LMTK2: variants seen among roughly 807,000 people sequenced by gnomAD.
LMTK2 encodes the protein lemur tail kinase 2.
LMTK2 carries 37 observed loss-of-function variants against 127.5 expected under a neutral mutation model. That is an observed-to-expected ratio of 0.29 (90% confidence interval 0.22 to 0.38). The LOEUF is 0.38. Among genes scored for constraint, LMTK2 ranks in the 10% least tolerant of loss-of-function variants. The probability of loss-of-function intolerance (pLI) is 1.00; values close to 1 mark genes in which losing one functional copy is unlikely to be tolerated. For synonymous variants in LMTK2, 819 were observed against 810.1 expected, an observed-to-expected ratio of 1.01 and a Z score of -0.19; for missense variants, 1,694 against 1,920.3, an observed-to-expected ratio of 0.88 and a Z score of 2.20.
chr7:98,107,018 G>A lies in LMTK2; in HGVS notation c.-160G>A. 1 of 499,380 alleles carries A rather than the reference G, an allele frequency of 2.0e-6. No homozygotes were observed. Among genetic ancestry groups the A allele is most frequent in the Non-Finnish European group, 3.4e-6 (1 of 293,126 alleles). 30.9% of individuals were successfully genotyped at this position (499,380 alleles called of 1,614,324 possible). ...GCGACTGGAGCGGCAGGTGCGGACC[G>A]GGAGCCGGACCGAGGTTTGGCAGAA... On this transcript the variant is annotated 5_prime_UTR_variant, in exon 1 of 14. Coordinates refer to ENST00000297293, the MANE Select transcript of LMTK2 (RefSeq NM_014916.4).
chr7:98,113,887 G>A lies in LMTK2; in HGVS notation c.103+6607G>A, dbSNP rs746812023. 7.3e-4 allele frequency among the ~76,000 whole-genome samples: 111 copies of A among 151,690 alleles called. 1 individual carries two copies. The highest frequency in any genetic ancestry group is 2.8e-4 in the Non-Finnish European group (19 of 67,930). On this transcript the variant is annotated intron_variant, in intron 1 of 13. Coordinates refer to ENST00000297293, the MANE Select transcript of LMTK2 (RefSeq NM_014916.4). ...CCCTGCCTTGGCATTACAATTGTTT[G>A]TCACAAAGAGCAGGCATATCAGAAA...
At chr7:98,173,823 G>A (rs537712184) in intron 7 of LMTK2, among the ~76,000 whole-genome samples, 69 of 152,302 alleles carry the variant, frequency 4.5e-4, no homozygotes, top group Non-Finnish European at 8.4e-4. Context: ...TTGGGAGGCC[G>A]AGGCAGGCGG....
intron 1 of LMTK2, among the ~76,000 whole-genome samples, chr7:98,133,422 C>G (rs1796552843): frequency 6.6e-6 from 1 of 151,616 alleles, no homozygotes; most frequent in Non-Finnish European, 1.5e-5. Context: ...TACTTCCTCT[C>G]TGTGGTTTCT....
intron 1 of LMTK2, among the ~76,000 whole-genome samples, chr7:98,129,646 G>A (rs1352974219): frequency 6.6e-6 from 1 of 152,142 alleles, no homozygotes; most frequent in Admixed American, 6.5e-5. Flanking sequence ...GATTACAGGC[G>A]TGAGCCACTG....
intron 5 of LMTK2, among the ~76,000 whole-genome samples, 161 bp from the exon 6 acceptor site, chr7:98,159,177 T>A (rs1041967913): frequency 6.6e-6 from 1 of 152,242 alleles, no homozygotes; most frequent in Non-Finnish European, 1.5e-5. Flanking sequence ...TTAAGTATAA[T>A]CTTCGTGATC....
chr7:98,133,299 G>A (rs1796551345), intron 1 of LMTK2, among the ~76,000 whole-genome samples: 1 of 152,142 alleles, frequency 6.6e-6, no homozygotes, highest in Admixed American at 6.6e-5. Context: ...TGTTAAAGCT[G>A]CCTTTCTTTA....
intron 11 of LMTK2, among the ~76,000 whole-genome samples, chr7:98,198,041 C>A (rs1441216292): frequency 6.6e-6 from 1 of 152,050 alleles, no homozygotes; most frequent in Non-Finnish European, 1.5e-5. Context: ...ATTTGTTGAT[C>A]TTTCCAAAAA....
chr7:98,116,400 G>A (rs1796284472), intron 1 of LMTK2, among the ~76,000 whole-genome samples: 1 of 151,496 alleles, frequency 6.6e-6, no homozygotes, highest in South Asian at 2.1e-4. Context: ...CTGTGTGTGT[G>A]TGTGTGCATG....
chr7:98,188,063 G>A (rs1797468240), intron 9 of LMTK2, among the ~76,000 whole-genome samples: 1 of 151,960 alleles, frequency 6.6e-6, no homozygotes, highest in South Asian at 2.1e-4. Context: ...GTTAATTATA[G>A]TCACCCTTCA....
chr7:98,140,089 T>A (rs531073007), intron 2 of LMTK2, among the ~76,000 whole-genome samples: 764 of 4,264 alleles, frequency 0.18, 30 homozygotes, highest in African/African-American at 0.3. Flanking sequence ...TTTCTTTCTT[T>A]CTTTCTTTCT....
intron 1 of LMTK2, among the ~76,000 whole-genome samples, chr7:98,129,458 G>A (rs1796491149): frequency 6.6e-6 from 1 of 152,050 alleles, no homozygotes; most frequent in African/African-American, 2.4e-5. Context: ...GCTTACTTCA[G>A]CCTTGACCTC....
intron 3 of LMTK2, among the ~76,000 whole-genome samples, chr7:98,145,836 T>G (rs1252149417): frequency 1.3e-5 from 2 of 152,220 alleles, no homozygotes; most frequent in Admixed American, 1.3e-4. Flanking sequence ...AGTTTATCTG[T>G]TTTTTACTTT....
At chr7:98,147,208 G>T (rs1468566329) in intron 3 of LMTK2, among the ~76,000 whole-genome samples, 1 of 151,748 alleles carries the variant, frequency 6.6e-6, no homozygotes, top group Non-Finnish European at 1.5e-5. Context: ...TCTCAGTATG[G>T]ATCTCTTTGA....
intron 7 of LMTK2, among the ~76,000 whole-genome samples, chr7:98,172,672 T>C (rs1797211805): frequency 6.6e-6 from 1 of 152,234 alleles, no homozygotes; most frequent in African/African-American, 2.4e-5. Context: ...AAGTAAATCA[T>C]TTAACTCTTA....
chr7:98,132,938 T>G (rs1053864488), intron 1 of LMTK2, among the ~76,000 whole-genome samples: 2 of 152,226 alleles, frequency 1.3e-5, no homozygotes, highest in Admixed American at 6.5e-5. Flanking sequence ...TGGCTTACCT[T>G]GAGTCATTAC....
At chr7:98,128,775 A>G (rs1289931178) in intron 1 of LMTK2, among the ~76,000 whole-genome samples, 1 of 152,216 alleles carries the variant, frequency 6.6e-6, no homozygotes, top group Non-Finnish European at 1.5e-5. Context: ...GATGGCCTCC[A>G]GTAAGATGAG....
intron 1 of LMTK2, among the ~76,000 whole-genome samples, chr7:98,134,409 C>T (rs559156782): frequency 1.4e-3 from 214 of 152,222 alleles, no homozygotes; most frequent in African/African-American, 4.8e-3. Context: ...AATCCAAATG[C>T]GTCTTTAAAA....
intron 6 of LMTK2, among the ~76,000 whole-genome samples, chr7:98,160,339 G>A (rs906824345): frequency 2.0e-5 from 3 of 152,164 alleles, no homozygotes; most frequent in Non-Finnish European, 4.4e-5. Context: ...AGTGTGATTC[G>A]AGTATTTCTC....
intron 8 of LMTK2, 49 bp from the exon 9 acceptor site, chr7:98,186,828 C>T (rs1797443320): frequency 1.9e-6 from 3 of 1,552,744 alleles, no homozygotes; most frequent in Admixed American, 1.8e-5. Context: ...CTTGAACTCA[C>T]CAAAAGTATA....
Sources: gnomAD v4.1 joint callset for allele counts (sites outside exome capture counted in the v4.1 genomes callset) on GRCh38, gnomAD v4.1.1 for gene constraint, MANE v1.5 for transcripts, NCBI Gene and HGNC (gene_info 2026-07-23, HGNC 2026-07-21) for gene names.